The following DLGAP4 variants were observed in gnomAD, a reference collection of about 807,000 sequenced individuals.
DLGAP4 encodes the protein DLG associated protein 4.
DLGAP4 carries 18 observed loss-of-function variants against 86.9 expected under a neutral mutation model. The observed-to-expected ratio is 0.21, with a 90% confidence interval of 0.14 to 0.31. The LOEUF is 0.31. Ranked by LOEUF, DLGAP4 falls within the 10% of genes least tolerant of loss-of-function variation. The probability of loss-of-function intolerance (pLI) is 1.00; values close to 1 mark genes in which losing one functional copy is unlikely to be tolerated. For missense variants in DLGAP4, 1,085 were observed against 1,362.6 expected (o/e 0.80, Z 3.21); for synonymous variants, 548 against 574.3 (o/e 0.95, Z 0.65).
chr20:36,421,468 A>AG (rs1312477669), intron 2 of DLGAP4, among the ~76,000 whole-genome samples: 5 of 151,892 alleles, frequency 3.3e-5, no homozygotes, highest in Non-Finnish European at 5.9e-5. Flanking sequence ...AAAAAAAAAA[A>AG]AAGAGAGAAT....
At chr20:36,408,672 T>C (rs1203509746) in intron 2 of DLGAP4, among the ~76,000 whole-genome samples, 1 of 152,240 alleles carries the variant, frequency 6.6e-6, no homozygotes, top group East Asian at 1.9e-4. Flanking sequence ...CGTCTAGCAC[T>C]GAGGTCAGGT....
At chr20:36,317,252 TTTC>T (rs2065111871) in intron 1 of DLGAP4, among the ~76,000 whole-genome samples, 5 of 57,292 alleles carry the variant, frequency 8.7e-5, no homozygotes, top group African/African-American at 5.4e-4. Context: ...TCTTTCTTTC[TTTC>T]TTTCTTTCTT....
At chr20:36,517,715 A>T (rs1361013624) in intron 10 of DLGAP4, among the ~76,000 whole-genome samples, 4 of 152,144 alleles carry the variant, frequency 2.6e-5, no homozygotes, top group Non-Finnish European at 4.4e-5. Context: ...ATGTTGAATC[A>T]GTCTTGCATT....
chr20:36,401,315 C>G (rs2032153978), intron 2 of DLGAP4, among the ~76,000 whole-genome samples: 1 of 152,218 alleles, frequency 6.6e-6, no homozygotes, highest in Admixed American at 6.5e-5. Flanking sequence ...TATTCCATTC[C>G]AAGCAGTCCC....
chr20:36,475,070 C>T (rs1358290617), intron 7 of DLGAP4, among the ~76,000 whole-genome samples: 2 of 151,526 alleles, frequency 1.3e-5, no homozygotes, highest in African/African-American at 4.9e-5. Flanking sequence ...GGTGTCACGA[C>T]CCTGAGGTGG....
chr20:36,390,251 C>T (rs751017844), intron 2 of DLGAP4, among the ~76,000 whole-genome samples: 2 of 152,156 alleles, frequency 1.3e-5, no homozygotes, highest in African/African-American at 2.4e-5. Flanking sequence ...GAAGGAGCGT[C>T]GTCCACAGCC....
chr20:36,506,667 T>C lies in DLGAP4; in HGVS notation c.2512+6056T>C, dbSNP rs537116454. On this transcript the variant is annotated intron_variant, in intron 10 of 12. Coordinates refer to ENST00000339266, the MANE Select transcript of DLGAP4 (RefSeq NM_001365621.2). The stretch of plus-strand genomic sequence containing the variant: ...GATAATTTATTTTTCTGAATTGTGG[T>C]TAAATATATATAACATGAAAATTAC... 3.3e-5 allele frequency among the ~76,000 whole-genome samples: 5 copies of C among 152,346 alleles called. No individual in the cohort carries two copies. The East Asian group carries it at 9.6e-4, about 29-fold the overall frequency.
At position 36,444,519 on chromosome 20, in the gene DLGAP4, T is replaced by C. The variant is rs2033539690; in HGVS notation, c.1407+1742T>C. Among the ~76,000 whole-genome samples, 3 of 152,102 alleles carry C rather than the reference T, an allele frequency of 2.0e-5. No individual in the cohort carries two copies. The South Asian group carries it at 6.2e-4, about 32-fold the overall frequency. On this transcript the variant is annotated intron_variant, in intron 6 of 12. Coordinates refer to ENST00000339266, the MANE Select transcript of DLGAP4 (RefSeq NM_001365621.2). ...TCAAACTCCCGAACACAAGTGATCC[T>C]CCCACATCAGCCCCCTCAAAGTGCT... is the stretch of plus-strand genomic sequence containing the variant.
intron 7 of DLGAP4, among the ~76,000 whole-genome samples, chr20:36,494,151 A>G (rs62210518): frequency 0.016 from 2,386 of 152,294 alleles, 29 homozygotes; most frequent in South Asian, 0.025. Context: ...AGTTTTCTCA[A>G]GGCCTGAGCA....
At chr20:36,523,846 A>G (rs2037533639) in intron 10 of DLGAP4, among the ~76,000 whole-genome samples, 1 of 152,118 alleles carries the variant, frequency 6.6e-6, no homozygotes, top group African/African-American at 2.4e-5. Flanking sequence ...ATATATTTGT[A>G]GAGACGGGAT....
chr20:36,380,848 C>T (rs188756417), intron 2 of DLGAP4, among the ~76,000 whole-genome samples: 11 of 152,298 alleles, frequency 7.2e-5, no homozygotes, highest in East Asian at 1.9e-4. Context: ...GCATGCTTCG[C>T]GAGTTTCCTT....
intron 7 of DLGAP4, among the ~76,000 whole-genome samples, chr20:36,460,523 C>A (rs2033997023): frequency 6.6e-6 from 1 of 152,198 alleles, no homozygotes. Context: ...GTCAAAAATT[C>A]TTTTCTCCAT....
At chr20:36,345,568 A>G (rs1191331772) in intron 1 of DLGAP4, among the ~76,000 whole-genome samples, 3 of 152,166 alleles carry the variant, frequency 2.0e-5, no homozygotes, top group Non-Finnish European at 4.4e-5. Context: ...GCTTGTTTTG[A>G]AGATTGACTC....
At chr20:36,375,924 G>A (rs763117274) in intron 2 of DLGAP4, among the ~76,000 whole-genome samples, 6 of 152,104 alleles carry the variant, frequency 3.9e-5, no homozygotes, top group Non-Finnish European at 7.4e-5. Flanking sequence ...TCCTGGCTTT[G>A]CCCAGGAGCT....
At chr20:36,331,316 G>A (rs1432216507) in intron 1 of DLGAP4, among the ~76,000 whole-genome samples, 3 of 152,168 alleles carry the variant, frequency 2.0e-5, no homozygotes, top group African/African-American at 7.2e-5. Flanking sequence ...GGGGTCAGGT[G>A]CCCAGCCACC....
chr20:36,321,233 C>T (rs2065164526), intron 1 of DLGAP4, among the ~76,000 whole-genome samples: 1 of 152,228 alleles, frequency 6.6e-6, no homozygotes, highest in African/African-American at 2.4e-5. Context: ...GGAGACGAAA[C>T]AGGCATTCCT....
rs1555902840 is a variant in DLGAP4 at position 36,439,836 on chromosome 20, G to A, written c.1324G>A (p.Asp442Asn). ...SWEEDYTPVSDSLNDSSCISQ... is the reference protein window; with the variant it reads ...SWEEDYTPVSNSLNDSSCISQ... ...GGAAGAGGACTACACCCCCGTCAGC[G>A]ACAGCCTCAACGACTCCAGCTGCAT... The change falls in exon 5 of 13, where the codon GAC (aspartate) becomes AAC (asparagine). Residue 442 changes from aspartate to asparagine, a missense_variant. Transcript: ENST00000339266. 1 of 1,613,488 alleles carries A rather than the reference G, an allele frequency of 6.2e-7. No individual in the cohort carries two copies. Among genetic ancestry groups the A allele is most frequent in the South Asian group, 1.1e-5 (1 of 91,068 alleles).
At chr20:36,517,100 T>G (rs1255476507) in intron 10 of DLGAP4, among the ~76,000 whole-genome samples, 1 of 148,938 alleles carries the variant, frequency 6.7e-6, no homozygotes, top group East Asian at 2.1e-4. Flanking sequence ...AAGAAAAGGC[T>G]GGACGCAGTG....
At chr20:36,475,027 G>A (rs2034847062) in intron 7 of DLGAP4, among the ~76,000 whole-genome samples, 1 of 152,106 alleles carries the variant, frequency 6.6e-6, no homozygotes, top group South Asian at 2.1e-4. Context: ...GTGACTGCTG[G>A]ATGGGAAGGA....
Sources: allele counts gnomAD v4.1 joint callset (sites outside exome capture counted in the v4.1 genomes callset), GRCh38; gene constraint gnomAD v4.1.1; transcripts MANE v1.5; gene names NCBI Gene and HGNC (gene_info 2026-07-23, HGNC 2026-07-21).